The following KIAA2012 variants were observed in gnomAD, a reference collection of about 807,000 sequenced individuals.
The protein encoded by KIAA2012 is uncharacterized protein KIAA2012.
In KIAA2012, 125 loss-of-function variants were observed where a neutral mutation model predicts 150.6. The observed-to-expected ratio is 0.83, with a 90% confidence interval of 0.72 to 0.96. The LOEUF is 0.96. KIAA2012 is among the 40% of genes least tolerant of loss of function. KIAA2012 has a pLI of 0.00. For missense variants in KIAA2012, 1,219 were observed against 1,354.9 expected (o/e 0.90, Z 1.57); for synonymous variants, 462 against 504.7 (o/e 0.92, Z 1.13).
chr2:202,086,390 C>T (rs13389388), intron 2 of KIAA2012, among the ~76,000 whole-genome samples: 45,747 of 151,842 alleles, frequency 0.3, 7,317 homozygotes, highest in East Asian at 0.38. Context: ...AAAGGCCTCT[C>T]GTCTAAAGGC....
chr2:202,133,844 T>A (rs1029497158), intron 12 of KIAA2012, among the ~76,000 whole-genome samples: 1 of 152,332 alleles, frequency 6.6e-6, no homozygotes, highest in Non-Finnish European at 1.5e-5. Flanking sequence ...AAATTTATTA[T>A]AATACTACAA....
chr2:202,194,274 GGA>G lies in KIAA2012; in HGVS notation c.3105_3106del (p.Arg1035SerfsTer53). 3 of 1,550,628 alleles carry G rather than the reference GGA, an allele frequency of 1.9e-6. No homozygotes were observed. The highest frequency in any genetic ancestry group is 2.6e-6 in the Non-Finnish European group (3 of 1,147,008). On this transcript the variant is annotated frameshift_variant, in exon 21 of 24. Transcript: ENST00000498697. LOFTEE classifies it high-confidence loss of function. Reference protein sequence around the residue: ...KQQLRLKAAQERARQQQEEFR... With the variant: ...KQQLRLKAAQXRARQQQEEFR... ...AGCAGCTCCGGTTGAAAGCAGCCCA[GGA>G]GAGAGCCCGGCAACAGCAAGAGGAG...
At chr2:202,109,342 G>A (rs188011674) in intron 9 of KIAA2012, among the ~76,000 whole-genome samples, 11 of 152,216 alleles carry the variant, frequency 7.2e-5, no homozygotes, top group Admixed American at 3.3e-4. Flanking sequence ...GAACAGCCAC[G>A]ATTCTAGCCA....
At chr2:202,085,330 T>C (rs1689536876) in intron 2 of KIAA2012, among the ~76,000 whole-genome samples, 5 of 152,142 alleles carry the variant, frequency 3.3e-5, no homozygotes, top group African/African-American at 2.4e-5. Flanking sequence ...TTATCATCAA[T>C]AGATGGCCTC....
chr2:202,197,821 G>C (rs1485633363), intron 22 of KIAA2012: 1 of 140,748 alleles, frequency 7.1e-6, no homozygotes, highest in Admixed American at 7.5e-5. Flanking sequence ...CTAAAATCAA[G>C]TCACCACACT....
rs3043926 is a variant in KIAA2012 at position 202,138,343 on chromosome 2, G to GGTGTGT, written c.1832-80_1832-75dup. 4.0e-3 allele frequency: 3,030 copies of GGTGTGT among 757,498 alleles called. 42 individuals carry two copies. The highest frequency in any genetic ancestry group is 0.036 in the Admixed American group (1,652 of 45,726). The allele number at this position is 757,498 out of a possible 1,614,324, so 46.9% of individuals were successfully genotyped here. ...TATAATCTTACATACATATGAACTAGGTGTGTGTGTGTGTATGGTATATAT... is the reference window on the plus strand; with the variant it reads ...TATAATCTTACATACATATGAACTAGGTGTGTGTGTGTGTGTGTGTATGGTATATAT... On this transcript the variant is annotated intron_variant, in intron 12 of 23. Coordinates refer to ENST00000498697, the MANE Select transcript of KIAA2012 (RefSeq NM_001277372.4).
chr2:202,178,046 A>G lies in KIAA2012; in HGVS notation c.2120-6707A>G, dbSNP rs191558230. ...AAACCCTGTCTGTAGTAAAAATACA[A>G]AAATAAGCTGAGCATGGTGGCGTAC... On this transcript the variant is annotated intron_variant, in intron 15 of 23. Coordinates refer to ENST00000498697, the MANE Select transcript of KIAA2012 (RefSeq NM_001277372.4). Among the ~76,000 whole-genome samples, 17 of 152,284 alleles carry G rather than the reference A, an allele frequency of 1.1e-4. No individual in the cohort carries two copies. In the East Asian group the frequency reaches 3.3e-3, roughly 29 times the overall value.
At chr2:202,151,225 C>T (rs1490966689) in intron 13 of KIAA2012, among the ~76,000 whole-genome samples, 1 of 151,932 alleles carries the variant, frequency 6.6e-6, no homozygotes, top group Non-Finnish European at 1.5e-5. Context: ...AGCAAAACCC[C>T]ATCTCTACTA....
chr2:202,188,174 C>T lies in KIAA2012; in HGVS notation c.2399C>T (p.Ala800Val), dbSNP rs970871923. 6.4e-7 allele frequency: 1 copy of T among 1,550,482 alleles called. No homozygotes were observed. The highest frequency in any genetic ancestry group is 8.7e-7 in the Non-Finnish European group (1 of 1,146,956). ...ISHERDLINE[A>V]KRKEKPKKDK... is the part of the protein sequence containing the mutation. The stretch of plus-strand genomic sequence containing the variant: ...TAGGAGAGGGATTTGATTAACGAGG[C>T]CAAGAGAAAGGAAAAACCCAAGAAA... The change falls in exon 18 of 24, where the codon GCC becomes GTC. Residue 800 changes from alanine to valine, a missense_variant. Ala to Val is a moderately conservative substitution (Grantham distance 64). Transcript: ENST00000498697.
intron 13 of KIAA2012, 21 bp from the exon 14 acceptor site, chr2:202,154,652 G>A: frequency 6.6e-7 from 1 of 1,520,600 alleles, no homozygotes; most frequent in South Asian, 1.3e-5. Flanking sequence ...GAAAGTTCGG[G>A]CTTTCTGCTT....
At chr2:202,088,582 C>G (rs947126619) in intron 2 of KIAA2012, among the ~76,000 whole-genome samples, 2 of 152,146 alleles carry the variant, frequency 1.3e-5, no homozygotes, top group African/African-American at 4.8e-5. Flanking sequence ...TTCACAAGTG[C>G]AGGGTGGGCA....
Position 202,190,480 on chromosome 2 carries a change from A to G in KIAA2012, c.2798A>G (p.Glu933Gly), listed in dbSNP as rs763100872. The part of the protein sequence containing the change: ...NMESKEERRC[E>G]DPSKALLTKR... ...GAATCTAAAGAAGAGAGAAGATGTGAGGACCCTTCCAAGGTAGGGTCTGAT... is the reference window on the plus strand; with the variant it reads ...GAATCTAAAGAAGAGAGAAGATGTGGGGACCCTTCCAAGGTAGGGTCTGAT... The change falls in exon 19 of 24, where the codon GAG becomes GGG. Residue 933 changes from glutamate (E) to glycine (G), a missense_variant. By Grantham distance (98) the Glu-to-Gly change is moderately conservative. Coordinates refer to ENST00000498697, the MANE Select transcript of KIAA2012 (RefSeq NM_001277372.4). The G allele has an allele frequency of 6.5e-7, 1 of 1,527,000 alleles. No homozygotes were observed. Among genetic ancestry groups the G allele is most frequent in the South Asian group, 1.2e-5 (1 of 80,718 alleles). 94.6% of individuals were successfully genotyped at this position (1,527,000 alleles called of 1,614,324 possible). A position where few individuals can be genotyped will look rare whatever the true frequency, so the allele number is the denominator to read the frequency against.
intron 20 of KIAA2012, 91 bp from the exon 21 acceptor site, chr2:202,194,099 A>T: frequency 7.2e-7 from 1 of 1,390,242 alleles, no homozygotes; most frequent in Non-Finnish European, 9.7e-7. Context: ...TGGGCTGCAG[A>T]GCCTCCCCCA....
intron 11 of KIAA2012, among the ~76,000 whole-genome samples, chr2:202,124,740 C>T (rs1202467780): frequency 6.6e-6 from 1 of 152,192 alleles, no homozygotes; most frequent in Non-Finnish European, 1.5e-5. Flanking sequence ...CCTAGATCAA[C>T]CTTCTCTCCA....
intron 12 of KIAA2012, among the ~76,000 whole-genome samples, chr2:202,126,423 G>A (rs1458837476): frequency 6.6e-6 from 1 of 152,190 alleles, no homozygotes; most frequent in Non-Finnish European, 1.5e-5. Context: ...CTGTATCCTT[G>A]CCAATCTCAA....
chr2:202,190,223 A>AC lies in KIAA2012; in HGVS notation c.2545dup (p.Gln849ProfsTer21), dbSNP rs1418031854. ...AAAAAAAATTAGAAAAAAAAACAAG[A>AC]CCCCAAAGGAAAAGGACACAGAAGG... On this transcript the variant is annotated frameshift_variant, in exon 19 of 24. Transcript: ENST00000498697. LOFTEE classifies it high-confidence loss of function. 1 of 1,522,402 alleles carries AC rather than the reference A, an allele frequency of 6.6e-7. No homozygotes were observed. The highest frequency in any genetic ancestry group is 8.8e-7 in the Non-Finnish European group (1 of 1,140,162). 94.3% of individuals were successfully genotyped at this position (1,522,402 alleles called of 1,614,324 possible). A position where few individuals can be genotyped will look rare whatever the true frequency, so the allele number is the denominator to read the frequency against.
chr2:202,150,611 G>A (rs1691407157), intron 13 of KIAA2012, among the ~76,000 whole-genome samples: 1 of 152,062 alleles, frequency 6.6e-6, no homozygotes, highest in African/African-American at 2.4e-5. Context: ...ACCATGCCTG[G>A]TTGATTTTTG....
rs1379720939 is a variant in KIAA2012, at chr2:202,090,743, G to T, written c.370-27G>T. ...GGGTGGCTCAGGGGTCAGCAGCTGT[G>T]CTGTTTCCTGACTGGTGTCCCCACA... On this transcript the variant is annotated intron_variant, in intron 2 of 23. Coordinates refer to ENST00000498697, the MANE Select transcript of KIAA2012 (RefSeq NM_001277372.4). 6 of 1,535,360 alleles carry T rather than the reference G, an allele frequency of 3.9e-6. No homozygotes were observed. The Admixed American group carries it at 7.9e-5, about 20-fold the overall frequency.
rs576496500 is a variant in KIAA2012 at position 202,149,153 on chromosome 2, C to T, written c.1909-5520C>T. ...GAATCCCAGCCCTCCTTCTCCCCTA[C>T]CCCCAGTGACTAAATCTCTCAGATC... is the stretch of plus-strand genomic sequence containing the variant. On this transcript the variant is annotated intron_variant, in intron 13 of 23. Transcript: ENST00000498697. Among the ~76,000 whole-genome samples the T allele has an allele frequency of 2.5e-3, 386 of 152,302 alleles. 2 individuals carry two copies. Among genetic ancestry groups the T allele is most frequent in the Admixed American group, 3.0e-3 (46 of 15,304 alleles).
Sources: allele counts gnomAD v4.1 joint callset (sites outside exome capture counted in the v4.1 genomes callset), GRCh38; gene constraint gnomAD v4.1.1; transcripts MANE v1.5; gene names NCBI Gene and HGNC (gene_info 2026-07-23, HGNC 2026-07-21).